The following PRKAA2 variants were observed in gnomAD, a reference collection of about 807,000 sequenced individuals.
PRKAA2 encodes protein kinase AMP-activated catalytic subunit alpha 2, also known as 5'-AMP-activated protein kinase catalytic subunit alpha-2.
A neutral mutation model predicts 56.3 loss-of-function variants in PRKAA2; 40 were observed. The observed-to-expected ratio is 0.71, with a 90% CI of 0.55 to 0.92. The LOEUF is 0.92. Ranked by LOEUF, PRKAA2 falls within the 40% of genes least tolerant of loss-of-function variation. The probability of loss-of-function intolerance (pLI) is 0.00; values close to 1 mark genes in which losing one functional copy is unlikely to be tolerated. For missense variants in PRKAA2, 542 were observed against 686.9 expected, an observed-to-expected ratio of 0.79 and a Z score of 2.36; for synonymous variants, 214 against 234.2, an observed-to-expected ratio of 0.91 and a Z score of 0.79.
chr1:56,669,948 A>G (rs575306409), intron 1 of PRKAA2, among the ~76,000 whole-genome samples: 2 of 152,246 alleles, frequency 1.3e-5, no homozygotes, highest in Admixed American at 1.3e-4. Flanking sequence ...ACCTTATCAA[A>G]CGTAAAATAT....
chr1:56,713,864 A>AC lies in PRKAA2; in HGVS notation c.*6151_*6152insC, dbSNP rs1437636198. The stretch of plus-strand genomic sequence containing the variant: ...CCACTGTTCTAAAAAAAAAAAAAAA[A>AC]AAAAACACTAAATTGTGCCTTCTCC... On this transcript the variant is annotated 3_prime_UTR_variant, in exon 9 of 9. Transcript: ENST00000371244. The AC allele has an allele frequency of 6.6e-6, 1 of 151,500 alleles. No individual in the cohort carries two copies. The highest frequency in any genetic ancestry group is 1.5e-5 in the Non-Finnish European group (1 of 67,850). The allele number at this position is 151,500 out of a possible 1,614,324, so 9.4% of individuals were successfully genotyped here.
chr1:56,674,399 C>T lies in PRKAA2; in HGVS notation c.113C>T (p.Thr38Ile). The T allele has an allele frequency of 1.3e-6, 2 of 1,559,196 alleles. No individual in the cohort carries two copies. The highest frequency in any genetic ancestry group is 1.7e-6 in the Non-Finnish European group (2 of 1,158,050). ...TCTTTAGTTGGAGAACATCAATTAA[C>T]AGGCCATAAAGTGGCAGTTAAAATC... Reference protein sequence around the residue: ...GKVKIGEHQLTGHKVAVKILN... With the variant: ...GKVKIGEHQLIGHKVAVKILN... The change falls in exon 2 of 9, where the codon ACA (threonine) becomes ATA (isoleucine). Residue 38 changes from threonine to isoleucine, a missense_variant. Physicochemically the swap from Thr to Ile is moderately conservative, Grantham distance 89. Coordinates refer to ENST00000371244, the MANE Select transcript of PRKAA2 (RefSeq NM_006252.4).
At chr1:56,683,071 A>ATTTTTT (rs10606990) in intron 2 of PRKAA2, among the ~76,000 whole-genome samples, 1 of 87,216 alleles carries the variant, frequency 1.1e-5, no homozygotes, top group African/African-American at 4.3e-5. Flanking sequence ...AAAGAAAGGA[A>ATTTTTT]TTTTTTTTTT....
At chr1:56,655,280 A>ATATATATATATATTTTTTTTTTTTT in intron 1 of PRKAA2, among the ~76,000 whole-genome samples, 3 of 93,650 alleles carry the variant, frequency 3.2e-5, no homozygotes, top group African/African-American at 1.4e-4. Context: ...ATATATATAT[A>ATATATATATATATTTTTTTTTTTTT]TTTTTTTTTT....
intron 1 of PRKAA2, among the ~76,000 whole-genome samples, chr1:56,663,246 T>C (rs1280892403): frequency 2.0e-5 from 3 of 152,122 alleles, no homozygotes; most frequent in Non-Finnish European, 2.9e-5. Flanking sequence ...CCACCACACT[T>C]GGGTCATTTT....
chr1:56,706,451 T>C (rs1644332969), intron 8 of PRKAA2, among the ~76,000 whole-genome samples: 2 of 152,220 alleles, frequency 1.3e-5, no homozygotes, highest in Non-Finnish European at 2.9e-5. Context: ...TCATTTGAAG[T>C]GTTGGCCGTG....
At chr1:56,673,627 A>G (rs1028694111) in intron 1 of PRKAA2, among the ~76,000 whole-genome samples, 7 of 152,202 alleles carry the variant, frequency 4.6e-5, no homozygotes, top group Non-Finnish European at 1.0e-4. Context: ...TGTTATATGA[A>G]AAAACAGAAT....
chr1:56,695,202 A>ATATT (rs1491404843), intron 5 of PRKAA2, among the ~76,000 whole-genome samples: 34 of 113,172 alleles, frequency 3.0e-4, no homozygotes, highest in African/African-American at 1.3e-3. Context: ...ATATATATAT[A>ATATT]TTTTTTGTTT....
intron 1 of PRKAA2, among the ~76,000 whole-genome samples, chr1:56,652,201 T>C (rs1468842381): frequency 6.6e-6 from 1 of 151,632 alleles, no homozygotes; most frequent in Non-Finnish European, 1.5e-5. Flanking sequence ...GTAGTAGAGA[T>C]GGGGTTTCAC....
intron 1 of PRKAA2, 91 bp downstream of exon 1, chr1:56,645,572 C>T: frequency 8.2e-6 from 10 of 1,215,438 alleles, no homozygotes; most frequent in South Asian, 1.5e-5. Flanking sequence ...CCGGCGGGCG[C>T]GGGGCTCGGC....
At chr1:56,687,115 C>G (rs1014770179) in intron 2 of PRKAA2, among the ~76,000 whole-genome samples, 1 of 151,974 alleles carries the variant, frequency 6.6e-6, no homozygotes, top group South Asian at 2.1e-4. Flanking sequence ...GACTCTCGAC[C>G]TCAGGTGATT....
intron 6 of PRKAA2, among the ~76,000 whole-genome samples, chr1:56,697,502 G>A (rs905224672): frequency 5.3e-5 from 8 of 151,940 alleles, no homozygotes; most frequent in African/African-American, 9.7e-5. Flanking sequence ...GTATAACAAT[G>A]TAAAAGTGTA....
In PRKAA2 at chr1:56,711,816, T is replaced by A. The variant is rs1046326052; in HGVS notation, c.*4103T>A. 6.6e-6 allele frequency: 1 copy of A among 152,164 alleles called. No individual in the cohort carries two copies. Among genetic ancestry groups the A allele is most frequent in the Admixed American group, 6.6e-5 (1 of 15,262 alleles). 9.4% of individuals were successfully genotyped at this position (152,164 alleles called of 1,614,324 possible). On this transcript the variant is annotated 3_prime_UTR_variant, in exon 9 of 9. Coordinates refer to ENST00000371244, the MANE Select transcript of PRKAA2 (RefSeq NM_006252.4). ...TGAGCTTTAAAGTTCTTTTCTGCTT[T>A]TCCATATGATTTGTGTTAGTGTTCA...
intron 1 of PRKAA2, among the ~76,000 whole-genome samples, chr1:56,669,653 A>G (rs1230324047): frequency 6.6e-6 from 1 of 152,194 alleles, no homozygotes; most frequent in Non-Finnish European, 1.5e-5. Flanking sequence ...CGAAGACACA[A>G]GGGATCTAGC....
intron 4 of PRKAA2, 149 bp from the exon 5 acceptor site, chr1:56,693,616 C>T: frequency 2.0e-6 from 1 of 492,314 alleles, no homozygotes; most frequent in Non-Finnish European, 3.6e-6. Context: ...GGTCTCTTTC[C>T]AGTTAAATGC....
intron 1 of PRKAA2, among the ~76,000 whole-genome samples, chr1:56,663,837 C>A (rs948554635): frequency 2.0e-5 from 3 of 152,126 alleles, no homozygotes; most frequent in Non-Finnish European, 4.4e-5. Context: ...TGGTGGCTAA[C>A]CCCTATAATC....
At chr1:56,690,566 AT>A (rs1359161995) in intron 2 of PRKAA2, among the ~76,000 whole-genome samples, 4 of 152,222 alleles carry the variant, frequency 2.6e-5, no homozygotes, top group African/African-American at 9.6e-5. Context: ...AAGTTGGTTT[AT>A]TTGAATCAGA....
intron 2 of PRKAA2, among the ~76,000 whole-genome samples, chr1:56,690,145 A>G (rs924028954): frequency 2.0e-5 from 3 of 151,740 alleles, no homozygotes; most frequent in African/African-American, 7.3e-5. Flanking sequence ...TAAATAACAT[A>G]AGCATAGTAT....
In PRKAA2 at chr1:56,693,652, T is replaced by TA. The variant is rs72195100; in HGVS notation, c.476-104dup. On this transcript the variant is annotated intron_variant, in intron 4 of 8. Coordinates refer to ENST00000371244, the MANE Select transcript of PRKAA2 (RefSeq NM_006252.4). ...TTTCCACTGCTTTTTTTTAATAACT[T>TA]AAAAAAAAATGATATATGGAGGATC... 755 of 596,238 alleles carry TA rather than the reference T, an allele frequency of 1.3e-3. 2 individuals are homozygous for TA. The highest frequency in any genetic ancestry group is 5.0e-3 in the South Asian group (130 of 26,090). The allele number at this position is 596,238 out of a possible 1,614,324, so 36.9% of individuals were successfully genotyped here. A position where few individuals can be genotyped will look rare whatever the true frequency, so the allele number is the denominator to read the frequency against.
Sources: allele counts gnomAD v4.1 joint callset (sites outside exome capture counted in the v4.1 genomes callset), GRCh38; gene constraint gnomAD v4.1.1; transcripts MANE v1.5; gene names NCBI Gene and HGNC (gene_info 2026-07-23, HGNC 2026-07-21).